The following HDDC2 variants were observed in gnomAD, a reference collection of about 807,000 sequenced individuals.
HDDC2 encodes the protein 5'-deoxynucleotidase HDDC2.
In HDDC2, 25 loss-of-function variants were observed where a neutral mutation model predicts 25.5. The observed-to-expected ratio is 0.98, with a 90% confidence interval of 0.72 to 1.37. The LOEUF is 1.37. Among genes scored for constraint, HDDC2 ranks in the 40% most tolerant of loss-of-function variants. HDDC2 has a pLI of 0.00. For missense variants in HDDC2, 264 were observed against 253.1 expected (o/e 1.04, Z -0.29); for synonymous variants, 106 against 89.7 (o/e 1.18, Z -1.03).
chr6:125,293,121 G>A (rs1056160074), intron 3 of HDDC2: 39 of 631,560 alleles, frequency 6.2e-5, no homozygotes, highest in Middle Eastern at 3.5e-4. Context: ...TATGGGCTTC[G>A]CTTAGCACCT....
At chr6:125,299,853 T>C (rs939571292) in intron 2 of HDDC2, among the ~76,000 whole-genome samples, 5 of 152,222 alleles carry the variant, frequency 3.3e-5, no homozygotes, top group African/African-American at 1.2e-4. Flanking sequence ...TCTGCCCTTC[T>C]CTCTGCATGC....
At chr6:125,284,765 A>G (rs570597579) in intron 4 of HDDC2, among the ~76,000 whole-genome samples, 60 of 152,334 alleles carry the variant, frequency 3.9e-4, no homozygotes, top group Admixed American at 5.9e-4. Context: ...ACGATTCCTC[A>G]AGGATCTAGA....
chr6:125,300,336 T>C, intron 2 of HDDC2: 3 of 580,850 alleles, frequency 5.2e-6, no homozygotes, highest in Non-Finnish European at 8.7e-6. Context: ...GCTCTATCAC[T>C]TGCCAACAGA....
chr6:125,301,539 C>T (rs1462130469), intron 1 of HDDC2, among the ~76,000 whole-genome samples: 1 of 147,178 alleles, frequency 6.8e-6, no homozygotes, highest in Non-Finnish European at 1.5e-5. Flanking sequence ...CGGAAAAGCT[C>T]AGTGCAGGCA....
chr6:125,277,216 C>T lies in HDDC2; in HGVS notation c.403G>A (p.Glu135Lys), dbSNP rs1562432681. Reference sequence around the variant, plus strand: ...TCTAGCTGCTTCACAAATTTGGCTTCTGCACTAGATTGGGTCTCGTACTCC... The same window carrying T: ...TCTAGCTGCTTCACAAATTTGGCTTTTGCACTAGATTGGGTCTCGTACTCC... ...WEEYETQSSA[E>K]AKFVKQLDQC... The change falls in exon 5 of 6, where the codon GAA (glutamate) becomes AAA (lysine). Residue 135 changes from glutamate (E) to lysine (K), a missense_variant. Physicochemically the swap from Glu to Lys is moderately conservative, Grantham distance 56 (BLOSUM62 1). Coordinates refer to ENST00000398153, the MANE Select transcript of HDDC2 (RefSeq NM_016063.3). 6.2e-7 allele frequency: 1 copy of T among 1,614,108 alleles called. No individual in the cohort carries two copies. Among genetic ancestry groups the T allele is most frequent in the Admixed American group, 1.7e-5 (1 of 60,020 alleles).
rs1798747107 is a variant in HDDC2, at chr6:125,298,735, T to G, written c.288A>C (p.Glu96Asp). 11 of 1,614,122 alleles carry G rather than the reference T, an allele frequency of 6.8e-6. No homozygotes were observed. The highest frequency in any genetic ancestry group is 9.3e-6 in the Non-Finnish European group (11 of 1,179,954). The stretch of plus-strand genomic sequence containing the variant: ...TGACCTCTTCTCGCCTATGTTTTTC[T>G]TCTTTGGGGATGTTATCTGCTGGTG... ...DIAPADNIPK[E>D]EKHRREEEAM... is the part of the protein sequence containing the mutation. Residue 96 changes from glutamate to aspartate, a missense_variant, in exon 3 of 6, where the codon GAA becomes GAC. Physicochemically the swap from Glu to Asp is conservative, Grantham distance 45 (BLOSUM62 2). Coordinates refer to ENST00000398153, the MANE Select transcript of HDDC2 (RefSeq NM_016063.3).
chr6:125,300,349 C>T, intron 2 of HDDC2, 189 bp downstream of exon 2: 1 of 628,686 alleles, frequency 1.6e-6, no homozygotes, highest in Admixed American at 3.5e-5. Flanking sequence ...CCAACAGAAA[C>T]CCCAGATTGC....
rs1053374662 is a variant in HDDC2 at position 125,282,895 on chromosome 6, A to G, written c.379-5655T>C. ...CTGATAAAACAGACTTTAAACCAAC[A>G]AATATAAAGAAAAGACAAAGAAGGG... On this transcript the variant is annotated intron_variant, in intron 4 of 5. Coordinates refer to ENST00000398153, the MANE Select transcript of HDDC2 (RefSeq NM_016063.3). 1.3e-5 allele frequency among the ~76,000 whole-genome samples: 2 copies of G among 152,228 alleles called. 1 individual carries two copies. Among genetic ancestry groups the G allele is most frequent in the South Asian group, 4.1e-4 (2 of 4,832 alleles).
At chr6:125,282,369 A>C (rs993248520) in intron 4 of HDDC2, among the ~76,000 whole-genome samples, 1 of 151,976 alleles carries the variant, frequency 6.6e-6, no homozygotes, top group African/African-American at 2.4e-5. Flanking sequence ...AAGAAAAAAG[A>C]AAAAAGAAAA....
intron 3 of HDDC2, among the ~76,000 whole-genome samples, chr6:125,295,642 C>A (rs186777620): frequency 1.9e-3 from 289 of 152,216 alleles, no homozygotes; most frequent in Middle Eastern, 0.01. Context: ...TAAATGTTTG[C>A]TGTGTTTTTC....
chr6:125,288,667 G>C (rs569457239), intron 4 of HDDC2, among the ~76,000 whole-genome samples: 2 of 150,492 alleles, frequency 1.3e-5, no homozygotes, highest in African/African-American at 2.5e-5. Flanking sequence ...AAAAGTGGGC[G>C]AAGGACATGA....
At chr6:125,284,067 GA>G (rs1483954653) in intron 4 of HDDC2, among the ~76,000 whole-genome samples, 9 of 152,170 alleles carry the variant, frequency 5.9e-5, no homozygotes, top group African/African-American at 9.7e-5. Flanking sequence ...AAGAAATGGG[GA>G]AAGGATTCCC....
At chr6:125,299,554 C>T (rs888579053) in intron 2 of HDDC2, among the ~76,000 whole-genome samples, 1 of 152,158 alleles carries the variant, frequency 6.6e-6, no homozygotes, top group Admixed American at 6.5e-5. Flanking sequence ...ATGTTTTAGG[C>T]TCCCCACACT....
intron 3 of HDDC2, among the ~76,000 whole-genome samples, chr6:125,297,175 C>T (rs1205885322): frequency 1.3e-5 from 2 of 152,154 alleles, no homozygotes; most frequent in East Asian, 1.9e-4. Context: ...CTGTGTTATA[C>T]TTCATTACTC....
chr6:125,284,464 C>T (rs140359810), intron 4 of HDDC2, among the ~76,000 whole-genome samples: 8 of 152,132 alleles, frequency 5.3e-5, no homozygotes, highest in African/African-American at 1.4e-4. Context: ...ACCAAATTTA[C>T]AAGAAAAAAA....
In HDDC2 at chr6:125,277,226, T is replaced by A. The variant is rs369638071; in HGVS notation, c.393A>T (p.Gln131His). The A allele has an allele frequency of 7.4e-6, 12 of 1,613,982 alleles. No homozygotes were observed. The highest frequency in any genetic ancestry group is 1.0e-5 in the Non-Finnish European group (12 of 1,179,980). ...LYELWEEYET[Q>H]SSAEAKFVKQ... The stretch of plus-strand genomic sequence containing the variant: ...TCACAAATTTGGCTTCTGCACTAGA[T>A]TGGGTCTCGTACTCCTAAGTAAAGG... Residue 131 changes from glutamine to histidine, a missense_variant, in exon 5 of 6, where the codon CAA (glutamine) becomes CAT (histidine). By Grantham distance (24) the Gln-to-His change is conservative. Transcript: ENST00000398153.
At chr6:125,286,044 G>A (rs2058620295) in intron 4 of HDDC2, among the ~76,000 whole-genome samples, 1 of 152,010 alleles carries the variant, frequency 6.6e-6, no homozygotes, top group African/African-American at 2.4e-5. Context: ...AAAGAAACTG[G>A]GAACAAGGAT....
chr6:125,277,480 A>T, intron 4 of HDDC2: 1 of 428,910 alleles, frequency 2.3e-6, no homozygotes, highest in East Asian at 3.6e-5. Context: ...AAGCCATGGA[A>T]ATCTTGTATG....
chr6:125,296,522 A>C (rs976008324), intron 3 of HDDC2, among the ~76,000 whole-genome samples: 2 of 152,174 alleles, frequency 1.3e-5, no homozygotes, highest in African/African-American at 2.4e-5. Flanking sequence ...CATCTGCATA[A>C]AGAATTGTTC....
Sources: allele counts gnomAD v4.1 joint callset (sites outside exome capture counted in the v4.1 genomes callset), GRCh38; gene constraint gnomAD v4.1.1; transcripts MANE v1.5; gene names NCBI Gene and HGNC (gene_info 2026-07-23, HGNC 2026-07-21).